GRIP1: variants seen among roughly 807,000 people sequenced by gnomAD.
GRIP1 encodes the protein glutamate receptor-interacting protein 1.
In GRIP1, 45 loss-of-function variants were observed where a neutral mutation model predicts 129.9. The observed-to-expected ratio is 0.35, with a 90% CI of 0.27 to 0.44. The LOEUF (loss-of-function observed/expected upper bound fraction) is 0.44. GRIP1 is among the 20% of genes least tolerant of loss of function. The pLI is 1.00. For synonymous variants in GRIP1, 530 were observed against 520.8 expected, an observed-to-expected ratio of 1.02 and a Z score of -0.24; for missense variants, 1,196 against 1,396.8, an observed-to-expected ratio of 0.86 and a Z score of 2.29.
chr12:67,009,785 G>T (rs1451884980), intron 1 of GRIP1, among the ~76,000 whole-genome samples: 3 of 152,174 alleles, frequency 2.0e-5, no homozygotes, highest in Non-Finnish European at 4.4e-5. Flanking sequence ...AGATACATGA[G>T]TGTGGGAAAC....
At chr12:66,776,843 G>C (rs1232140911) in intron 1 of GRIP1, among the ~76,000 whole-genome samples, 2 of 152,156 alleles carry the variant, frequency 1.3e-5, no homozygotes, top group Non-Finnish European at 2.9e-5. Flanking sequence ...AAACACTGTG[G>C]ATCACATACA....
chr12:66,435,685 T>C (rs1033189127), intron 13 of GRIP1, among the ~76,000 whole-genome samples: 2 of 152,166 alleles, frequency 1.3e-5, no homozygotes, highest in East Asian at 3.9e-4. Flanking sequence ...TCTAGAATAG[T>C]TACTACAGCA....
chr12:66,483,021 T>C (rs980544258), intron 7 of GRIP1, among the ~76,000 whole-genome samples: 1 of 152,210 alleles, frequency 6.6e-6, no homozygotes, highest in Non-Finnish European at 1.5e-5. Context: ...ACTGTTTGCA[T>C]GGGAAACACT....
chr12:66,967,008 A>AT (rs1258865449), intron 1 of GRIP1, among the ~76,000 whole-genome samples: 3 of 152,070 alleles, frequency 2.0e-5, no homozygotes, highest in South Asian at 2.1e-4. Flanking sequence ...CCATTTATTT[A>AT]TTTTTTGTAT....
intron 1 of GRIP1, among the ~76,000 whole-genome samples, chr12:66,927,581 A>T (rs2041316771): frequency 6.6e-6 from 1 of 152,312 alleles, no homozygotes; most frequent in African/African-American, 2.4e-5. Context: ...CACGGGAAGG[A>T]AATTGCCACT....
chr12:66,882,396 G>T (rs1301016629), intron 1 of GRIP1, among the ~76,000 whole-genome samples: 1 of 152,142 alleles, frequency 6.6e-6, no homozygotes, highest in Non-Finnish European at 1.5e-5. Context: ...TACCTGTTTT[G>T]TACTTGAGAT....
chr12:67,007,377 G>A (rs971565989), intron 1 of GRIP1, among the ~76,000 whole-genome samples: 3 of 152,272 alleles, frequency 2.0e-5, no homozygotes, highest in Admixed American at 6.5e-5. Context: ...CACAATATGT[G>A]TATGAATAGA....
chr12:66,700,869 G>A (rs982926725), intron 1 of GRIP1, among the ~76,000 whole-genome samples: 37 of 152,082 alleles, frequency 2.4e-4, no homozygotes, highest in Non-Finnish European at 3.5e-4. Context: ...GCTCCATGAT[G>A]TCCTCTTTCC....
At chr12:66,540,509 T>C (rs2061740593) in intron 3 of GRIP1, among the ~76,000 whole-genome samples, 1 of 152,144 alleles carries the variant, frequency 6.6e-6, no homozygotes, top group South Asian at 2.1e-4. Flanking sequence ...GTTGTGGGTG[T>C]GGAAAGATGC....
intron 9 of GRIP1, among the ~76,000 whole-genome samples, chr12:66,456,610 G>T (rs1493485): frequency 6.6e-6 from 1 of 151,540 alleles, no homozygotes; most frequent in Non-Finnish European, 1.5e-5. Context: ...GATGACTATT[G>T]AATCAATTTC....
intron 19 of GRIP1, among the ~76,000 whole-genome samples, chr12:66,390,487 A>C (rs2056541131): frequency 6.6e-6 from 1 of 152,188 alleles, no homozygotes; most frequent in Non-Finnish European, 1.5e-5. Flanking sequence ...TATGATTCAA[A>C]ATTTCAAAAT....
chr12:66,873,581 T>C (rs906720817), intron 1 of GRIP1, among the ~76,000 whole-genome samples: 4 of 152,168 alleles, frequency 2.6e-5, no homozygotes, highest in Middle Eastern at 3.4e-3. Context: ...AATTTGACTA[T>C]GGAATACTCA....
At chr12:66,879,711 A>T (rs1458911774) in intron 1 of GRIP1, among the ~76,000 whole-genome samples, 1 of 152,086 alleles carries the variant, frequency 6.6e-6, no homozygotes, top group Non-Finnish European at 1.5e-5. Flanking sequence ...TCATTCATTC[A>T]CTCCTTATTT....
intron 2 of GRIP1, among the ~76,000 whole-genome samples, chr12:66,574,829 T>C (rs35936912): frequency 0.24 from 35,128 of 148,378 alleles, 4,373 homozygotes; most frequent in Admixed American, 0.27. Flanking sequence ...GTCGCCGCCC[T>C]GGCTGGAGTG....
At chr12:66,609,943 G>A (rs2139868772) in intron 1 of GRIP1, among the ~76,000 whole-genome samples, 2 of 152,084 alleles carry the variant, frequency 1.3e-5, no homozygotes, top group East Asian at 3.9e-4. Flanking sequence ...CCTTAGAGGA[G>A]GTTCATTTAT....
At chr12:66,789,501 G>T (rs964005424) in intron 1 of GRIP1, among the ~76,000 whole-genome samples, 5 of 152,052 alleles carry the variant, frequency 3.3e-5, no homozygotes, top group African/African-American at 1.2e-4. Context: ...TTATAGCATT[G>T]TAAAATTTTA....
intron 1 of GRIP1, among the ~76,000 whole-genome samples, chr12:66,841,540 T>C (rs1592895009): frequency 6.6e-6 from 1 of 152,346 alleles, no homozygotes; most frequent in East Asian, 1.9e-4. Context: ...TTTTTGATTA[T>C]TCAAGGCATT....
At chr12:66,908,287 G>A (rs888331705) in intron 1 of GRIP1, among the ~76,000 whole-genome samples, 3 of 152,176 alleles carry the variant, frequency 2.0e-5, no homozygotes, top group Non-Finnish European at 4.4e-5. Flanking sequence ...CAGAGTGTGG[G>A]TGGCAGGCTG....
At chr12:66,793,917 A>G (rs2038619702) in intron 1 of GRIP1, among the ~76,000 whole-genome samples, 1 of 152,230 alleles carries the variant, frequency 6.6e-6, no homozygotes, top group African/African-American at 2.4e-5. Flanking sequence ...AGTTGTGTGG[A>G]TTAAATGAGC....
Sources: gnomAD v4.1 joint callset for allele counts (sites outside exome capture counted in the v4.1 genomes callset) on GRCh38, gnomAD v4.1.1 for gene constraint, MANE v1.5 for transcripts, NCBI Gene and HGNC (gene_info 2026-07-23, HGNC 2026-07-21) for gene names.